DOCK11: variants seen among roughly 807,000 people sequenced by gnomAD.
DOCK11 encodes dedicator of cytokinesis 11.
A neutral mutation model predicts 169.1 loss-of-function variants in DOCK11; 70 were observed. That is an observed-to-expected ratio of 0.41 (90% CI 0.34 to 0.51). The LOEUF (loss-of-function observed/expected upper bound fraction) is 0.51. Among genes scored for constraint, DOCK11 ranks in the 20% least tolerant of loss-of-function variants. The probability of loss-of-function intolerance (pLI) is 0.10; values close to 1 mark genes in which losing one functional copy is unlikely to be tolerated. For synonymous variants in DOCK11, 529 were observed against 541.3 expected, an observed-to-expected ratio of 0.98 and a Z score of 0.32; for missense variants, 1,166 against 1,538.8, an observed-to-expected ratio of 0.76 and a Z score of 4.05.
chrX:118,553,079 T>A (rs2012557966), intron 6 of DOCK11, among the ~76,000 whole-genome samples: 1 of 111,596 alleles, frequency 9.0e-6, no homozygotes, highest in Admixed American at 9.5e-5. Flanking sequence ...ACTCTTCAAT[T>A]CCTGGAAAAG....
rs1254011927 is a variant in DOCK11 at position 118,610,396 on chromosome X, A to G, written c.3074A>G (p.Tyr1025Cys). Residue 1025 changes from tyrosine to cysteine, a missense_variant, in exon 28 of 53, where the codon TAT (tyrosine) becomes TGT (cysteine). Coordinates refer to ENST00000276202, the MANE Select transcript of DOCK11 (RefSeq NM_144658.4). The part of the protein sequence containing the change: ...EIPDESRNVN[Y>C]SLASFLKRCL... ...CCCGATGAGTCCAGAAATGTGAACTATAGTTTGGCTAGCTTCCTGAAGGTG... is the reference window on the plus strand; with the variant it reads ...CCCGATGAGTCCAGAAATGTGAACTGTAGTTTGGCTAGCTTCCTGAAGGTG... 8.3e-7 allele frequency: 1 copy of G among 1,211,246 alleles called. No individual in the cohort carries two copies. Among genetic ancestry groups the G allele is most frequent in the Non-Finnish European group, 1.1e-6 (1 of 895,412 alleles).
At chrX:118,615,513 G>T (rs1181447906) in intron 29 of DOCK11, 87 bp from the exon 30 acceptor site, 3 of 749,898 alleles carry the variant, frequency 4.0e-6, no homozygotes, top group Non-Finnish European at 4.0e-6. Context: ...AAGCACTTCC[G>T]TTGTGAAAAA....
At chrX:118,655,912 A>G (rs2016055032) in intron 44 of DOCK11, among the ~76,000 whole-genome samples, 1 of 112,201 alleles carries the variant, frequency 8.9e-6, no homozygotes, top group African/African-American at 3.2e-5. Flanking sequence ...CAGAATTCCT[A>G]CAGTTAACTG....
intron 45 of DOCK11, among the ~76,000 whole-genome samples, chrX:118,666,042 G>A (rs1440991609): frequency 9.0e-6 from 1 of 111,191 alleles, no homozygotes; most frequent in African/African-American, 3.3e-5. Context: ...CAGATCACTT[G>A]AGGCCAGGAG....
intron 40 of DOCK11, among the ~76,000 whole-genome samples, chrX:118,646,390 C>G (rs1437696254): frequency 9.1e-6 from 1 of 110,349 alleles, no homozygotes; most frequent in African/African-American, 3.3e-5. Flanking sequence ...AGAGAAACAA[C>G]GTAGAAGGGA....
chrX:118,592,418 G>A (rs1603097518), intron 19 of DOCK11, among the ~76,000 whole-genome samples: 1 of 109,716 alleles, frequency 9.1e-6, no homozygotes, highest in Non-Finnish European at 1.9e-5. Flanking sequence ...TTTTTTGGCT[G>A]CATAAATGTC....
Position 118,578,541 on chromosome X carries a change from C to T in DOCK11, c.1406C>T (p.Thr469Met), listed in dbSNP as rs750536146. The T allele has an allele frequency of 1.8e-5, 22 of 1,206,294 alleles. No individual in the cohort carries two copies. The South Asian group carries it at 2.1e-4, about 12-fold the overall frequency. ...RYIQQGIFSV[T>M]NPHPEIFLVA... ...TTTTCCCAGGGAATTTTCTCAGTGA[C>T]GAATCCACATCCTGAAATTTTTCTA... The change falls in exon 13 of 53, where the codon ACG becomes ATG. Residue 469 changes from threonine to methionine, a missense_variant. Physicochemically the swap from Thr to Met is moderately conservative, Grantham distance 81. Transcript: ENST00000276202.
rs1057455050 is a variant in DOCK11 at position 118,686,061 on chromosome X, G to C, written c.*254G>C. ...TGAAAAGTAGAGCTCAAAAACAGTAGTTCAATTTGCTTAATTATTGCTTAA... is the reference window on the plus strand; with the variant it reads ...TGAAAAGTAGAGCTCAAAAACAGTACTTCAATTTGCTTAATTATTGCTTAA... On this transcript the variant is annotated 3_prime_UTR_variant, in exon 53 of 53. Transcript: ENST00000276202. 39 of 261,144 alleles carry C rather than the reference G, an allele frequency of 1.5e-4. No individual in the cohort carries two copies. Among genetic ancestry groups the C allele is most frequent in the Non-Finnish European group, 2.5e-4 (37 of 148,836 alleles). The allele number at this position is 261,144 out of a possible 1,213,427, so 21.5% of individuals were successfully genotyped here.
chrX:118,636,476 A>G, intron 36 of DOCK11, 64 bp downstream of exon 36: 1 of 588,919 alleles, frequency 1.7e-6, no homozygotes, highest in Non-Finnish European at 2.5e-6. Context: ...AACTGTTACA[A>G]TTTTTTCTGT....
chrX:118,574,424 C>T (rs2013381435), intron 12 of DOCK11, among the ~76,000 whole-genome samples: 1 of 111,136 alleles, frequency 9.0e-6, no homozygotes, highest in Non-Finnish European at 1.9e-5. Context: ...AAAAAATTAG[C>T]CAGGCGTGGT....
intron 1 of DOCK11, among the ~76,000 whole-genome samples, chrX:118,499,426 G>C (rs952603338): frequency 1.8e-5 from 2 of 111,597 alleles, no homozygotes; most frequent in Non-Finnish European, 3.8e-5. Flanking sequence ...AGCGTCCCCT[G>C]GCTGGCATCA....
chrX:118,652,229 A>G, intron 42 of DOCK11, 152 bp downstream of exon 42: 2 of 397,489 alleles, frequency 5.0e-6, no homozygotes, highest in South Asian at 4.9e-5. Context: ...ATACATCACT[A>G]TATCTCTAGT....
intron 4 of DOCK11, among the ~76,000 whole-genome samples, chrX:118,543,988 A>G (rs960448722): frequency 1.8e-5 from 2 of 112,239 alleles, no homozygotes; most frequent in African/African-American, 6.5e-5. Flanking sequence ...TTTCAGTTAT[A>G]ATTTGTAATA....
At chrX:118,682,573 C>CT (rs2016770741) in intron 51 of DOCK11, among the ~76,000 whole-genome samples, 1 of 111,707 alleles carries the variant, frequency 9.0e-6, no homozygotes, top group African/African-American at 3.3e-5. Flanking sequence ...GACCTACACT[C>CT]TAATTGTGGA....
At chrX:118,528,200 A>G (rs2011421937) in intron 1 of DOCK11, among the ~76,000 whole-genome samples, 1 of 112,292 alleles carries the variant, frequency 8.9e-6, no homozygotes, top group Admixed American at 9.4e-5. Flanking sequence ...CTTGAGGGGC[A>G]GGCCTGAGAG....
chrX:118,551,771 G>C (rs905887547), intron 6 of DOCK11, among the ~76,000 whole-genome samples: 10 of 111,526 alleles, frequency 9.0e-5, no homozygotes, highest in African/African-American at 3.3e-4. Context: ...CTTAGAAATA[G>C]GTCTGAGTTG....
At position 118,580,158 on chromosome X, in the gene DOCK11, T is replaced by G. The variant is rs1459397075; in HGVS notation, c.1574T>G (p.Met525Arg). Residue 525 changes from methionine (M) to arginine (R), a missense_variant, in exon 14 of 53, where the codon ATG becomes AGG. Coordinates refer to ENST00000276202, the MANE Select transcript of DOCK11 (RefSeq NM_144658.4). ...QVCSRLGQYRMPFAWAARPIF... is the reference protein window; with the variant it reads ...QVCSRLGQYRRPFAWAARPIF... ...TGTAGCCGCCTTGGACAATACAGAA[T>G]GCCCTTCGCTTGGGCTGCCAGGTTT... is the stretch of plus-strand genomic sequence containing the variant. 5.0e-6 allele frequency: 6 copies of G among 1,208,700 alleles called. No individual in the cohort carries two copies. The highest frequency in any genetic ancestry group is 6.7e-6 in the Non-Finnish European group (6 of 894,097).
At chrX:118,588,518 G>A (rs775350262) in intron 18 of DOCK11, 40 bp downstream of exon 18, 2 of 1,070,523 alleles carry the variant, frequency 1.9e-6, no homozygotes, top group Non-Finnish European at 2.5e-6. Flanking sequence ...TTTTAGTAGA[G>A]ATGGAGATTT....
intron 7 of DOCK11, among the ~76,000 whole-genome samples, chrX:118,565,030 G>A (rs1245825807): frequency 9.0e-6 from 1 of 110,538 alleles, no homozygotes; most frequent in East Asian, 2.8e-4. Flanking sequence ...TGAACTCCAA[G>A]GCTTAGGTGA....
Sources: allele counts gnomAD v4.1 joint callset (sites outside exome capture counted in the v4.1 genomes callset), GRCh38; gene constraint gnomAD v4.1.1; transcripts MANE v1.5; gene names NCBI Gene and HGNC (gene_info 2026-07-23, HGNC 2026-07-21).